The following GLP1R variants were observed in gnomAD, a reference collection of about 807,000 sequenced individuals.
GLP1R encodes glucagon like peptide 1 receptor.
GLP1R carries 32 observed loss-of-function variants against 68.4 expected under a neutral mutation model. That is an observed-to-expected ratio of 0.47 (90% CI 0.35 to 0.63). The LOEUF is 0.63. Among genes scored for constraint, GLP1R ranks in the 20% least tolerant of loss-of-function variants. The pLI, the probability that GLP1R is intolerant of heterozygous loss-of-function variation, is 0.00. For missense variants in GLP1R, 502 were observed against 594.9 expected, an observed-to-expected ratio of 0.84 and a Z score of 1.62; for synonymous variants, 263 against 244.4, an observed-to-expected ratio of 1.08 and a Z score of -0.71.
At chr6:39,074,946 C>G (rs904644329) in intron 7 of GLP1R, among the ~76,000 whole-genome samples, 2 of 152,190 alleles carry the variant, frequency 1.3e-5, no homozygotes, top group South Asian at 2.1e-4. Flanking sequence ...CAGCTCCCCC[C>G]ACCCCCCAGG....
intron 7 of GLP1R, 118 bp downstream of exon 7, chr6:39,073,887 C>T (rs1768741882): frequency 1.1e-6 from 1 of 875,588 alleles, no homozygotes; most frequent in Non-Finnish European, 1.8e-6. Context: ...CACTGGGTAA[C>T]CCTCTTCCTG....
chr6:39,085,843 G>A, intron 12 of GLP1R, 63 bp from the exon 13 acceptor site: 13 of 1,488,368 alleles, frequency 8.7e-6, no homozygotes, highest in Non-Finnish European at 1.1e-5. Context: ...TGTAATAGTG[G>A]GGCCATTTTG....
chr6:39,071,620 C>T (rs967077716), intron 5 of GLP1R, among the ~76,000 whole-genome samples: 3 of 152,052 alleles, frequency 2.0e-5, no homozygotes, highest in Non-Finnish European at 4.4e-5. Flanking sequence ...CAGCAAGGCT[C>T]CACGTATGTA....
chr6:39,079,645 C>T lies in GLP1R; in HGVS notation c.1125C>T (p.Ala375=), dbSNP rs2150836532. ...VIFAFVMDEH[A]RGTLRFIKLF... ...TTGCCTTTGTGATGGACGAGCACGC[C>T]CGGGGGACCCTGCGCTTCATCAAGC... The change falls in exon 11 of 13, where the codon GCC becomes GCT. Residue 375 remains alanine, a synonymous_variant. Coordinates refer to ENST00000373256, the MANE Select transcript of GLP1R (RefSeq NM_002062.5). This position sits in a 1 kb window ranked among gnomAD's most constrained non-coding sequence, Gnocchi z 4.5. 6.2e-7 allele frequency: 1 copy of T among 1,612,210 alleles called. No individual in the cohort carries two copies. Among genetic ancestry groups the T allele is most frequent in the East Asian group, 2.2e-5 (1 of 44,818 alleles).
In GLP1R at chr6:39,049,706, T is replaced by C. The variant is rs1400732862; in HGVS notation, c.78+788T>C. ...ACGCAAGAACACCTGGGCTCCTTGG[T>C]GCCACCAGAGAGCAGGCCACAGGTG... is the stretch of plus-strand genomic sequence containing the variant. On this transcript the variant is annotated intron_variant, in intron 1 of 12. Coordinates refer to ENST00000373256, the MANE Select transcript of GLP1R (RefSeq NM_002062.5). The surrounding 1 kb of genome is among the most constrained non-coding windows in gnomAD (Gnocchi z 4.5). 6.6e-6 allele frequency among the ~76,000 whole-genome samples: 1 copy of C among 152,178 alleles called. No individual in the cohort carries two copies. The highest frequency in any genetic ancestry group is 6.5e-5 in the Admixed American group (1 of 15,288).
In GLP1R at chr6:39,057,519, G is replaced by A; in HGVS notation, c.223G>A (p.Gly75Arg). The part of the protein sequence containing the change: ...TFDEYACWPD[G>R]EPGSFVNVSC... ...CGATGAATACGCCTGCTGGCCAGAT[G>A]GGGAGCCAGGCTCGTTCGTGAATGT... is the stretch of plus-strand genomic sequence containing the variant. Residue 75 changes from glycine (G) to arginine (R), a missense_variant, in exon 3 of 13, where the codon GGG becomes AGG. By Grantham distance (125) the Gly-to-Arg change is moderately radical. Coordinates refer to ENST00000373256, the MANE Select transcript of GLP1R (RefSeq NM_002062.5). The A allele has an allele frequency of 6.2e-7, 1 of 1,613,760 alleles. No individual in the cohort carries two copies. The highest frequency in any genetic ancestry group is 8.5e-7 in the Non-Finnish European group (1 of 1,179,784).
At chr6:39,060,223 G>T (rs1263694110) in intron 3 of GLP1R, among the ~76,000 whole-genome samples, 3 of 152,202 alleles carry the variant, frequency 2.0e-5, no homozygotes, top group Non-Finnish European at 4.4e-5. Context: ...TGAAGAAGGG[G>T]ACAGTTCTGG....
chr6:39,048,998 C>G, intron 1 of GLP1R, 80 bp downstream of exon 1: 1 of 579,784 alleles, frequency 1.7e-6, no homozygotes, highest in Non-Finnish European at 2.8e-6. Context: ...GGTGGAGGGC[C>G]CCGGGACTTG....
In GLP1R at chr6:39,057,466, T is replaced by A; in HGVS notation, c.176-6T>A. 1.3e-6 allele frequency: 2 copies of A among 1,594,622 alleles called. No individual in the cohort carries two copies. On this transcript the variant is annotated splice_region_variant and splice_polypyrimidine_tract_variant and intron_variant, in intron 2 of 12. Coordinates refer to ENST00000373256, the MANE Select transcript of GLP1R (RefSeq NM_002062.5). ...GGGACTCAGAGACTGTTCTTTCTGCTCCCAGACTTGTTCTGCAACCGGACC... is the reference window on the plus strand; with the variant it reads ...GGGACTCAGAGACTGTTCTTTCTGCACCCAGACTTGTTCTGCAACCGGACC...
In GLP1R at chr6:39,069,596, C is replaced by T. The variant is rs374608195; in HGVS notation, c.510-3266C>T. ...AGCAGAGCAGTGAGCAGAGATCGTG[C>T]CACTGCACTCCAGCCTGGGCGACAG... is the stretch of plus-strand genomic sequence containing the variant. On this transcript the variant is annotated intron_variant, in intron 5 of 12. Transcript: ENST00000373256. Among the ~76,000 whole-genome samples the T allele has an allele frequency of 3.3e-4, 50 of 150,714 alleles. 2 individuals carry two copies. The East Asian group carries it at 9.5e-3, about 29-fold the overall frequency.
Position 39,065,823 on chromosome 6 carries a change from G to T in GLP1R, c.396G>T (p.Gly132=), listed in dbSNP as rs866631422. Residue 132 remains glycine (G), a synonymous_variant, in exon 4 of 13, where the codon GGG becomes GGT. Transcript: ENST00000373256. ...CGGAGTGCGAGGAGTCCAAGCGAGG[G>T]GAAAGAGTGAGTTGAGGCGGGGTTC... ...DLSECEESKR[G]ERSSPEEQLL... 6.3e-7 allele frequency: 1 copy of T among 1,592,818 alleles called. No homozygotes were observed. The highest frequency in any genetic ancestry group is 8.6e-7 in the Non-Finnish European group (1 of 1,162,888).
intron 3 of GLP1R, among the ~76,000 whole-genome samples, chr6:39,058,531 G>A (rs1011209970): frequency 2.6e-5 from 4 of 152,138 alleles, no homozygotes; most frequent in Non-Finnish European, 2.9e-5. Flanking sequence ...ATCTATCCCA[G>A]CCTCCCTTGC....
chr6:39,073,849 A>C, intron 7 of GLP1R, 80 bp downstream of exon 7: 1 of 1,328,598 alleles, frequency 7.5e-7, no homozygotes, highest in Non-Finnish European at 1.1e-6. Flanking sequence ...TGGTACTTGG[A>C]ACGCACTGCT....
rs116391897 is a variant in GLP1R at position 39,057,383 on chromosome 6, C to T, written c.176-89C>T. On this transcript the variant is annotated intron_variant, in intron 2 of 12. Coordinates refer to ENST00000373256, the MANE Select transcript of GLP1R (RefSeq NM_002062.5). ...AGCAGAGGTTAGTGGCATGCAGCCT[C>T]CGAGGAGGGGAGGGGTCTTGGGGAA... is the stretch of plus-strand genomic sequence containing the variant. 6,065 of 812,656 alleles carry T rather than the reference C, an allele frequency of 7.5e-3. 40 individuals are homozygous for T. The highest frequency in any genetic ancestry group is 0.011 in the East Asian group (418 of 38,356). The allele number at this position is 812,656 out of a possible 1,614,324, so 50.3% of individuals were successfully genotyped here.
At chr6:39,072,351 CT>C (rs1342517449) in intron 5 of GLP1R, among the ~76,000 whole-genome samples, 2 of 152,184 alleles carry the variant, frequency 1.3e-5, no homozygotes, top group African/African-American at 2.4e-5. Context: ...ATATTTGCCC[CT>C]GGTTAGGTAA....
chr6:39,070,617 T>C (rs1455710220), intron 5 of GLP1R, among the ~76,000 whole-genome samples: 2 of 152,218 alleles, frequency 1.3e-5, no homozygotes, highest in Admixed American at 6.5e-5. Context: ...CACCAATATT[T>C]AGTGTCTTCA....
intron 3 of GLP1R, among the ~76,000 whole-genome samples, chr6:39,058,740 A>G (rs955417179): frequency 2.0e-5 from 3 of 152,202 alleles, no homozygotes; most frequent in African/African-American, 7.2e-5. Context: ...GTCCTGCCCT[A>G]AAAGCAGGGC....
intron 1 of GLP1R, among the ~76,000 whole-genome samples, chr6:39,050,609 G>T (rs955053454): frequency 6.6e-5 from 10 of 152,160 alleles, no homozygotes; most frequent in South Asian, 6.2e-4. Flanking sequence ...CTTTGAGGGG[G>T]TGCTCTTGTC....
At chr6:39,064,859 TGA>T (rs1458529316) in intron 3 of GLP1R, among the ~76,000 whole-genome samples, 1 of 152,224 alleles carries the variant, frequency 6.6e-6, no homozygotes, top group African/African-American at 2.4e-5. Context: ...TTTTTCTGTG[TGA>T]GTCTTGATTC....
Sources: gnomAD v4.1 joint callset for allele counts (sites outside exome capture counted in the v4.1 genomes callset) on GRCh38, gnomAD v4.1.1 for gene constraint, Gnocchi (gnomAD v3.1) non-coding constraint, MANE v1.5 for transcripts, NCBI Gene and HGNC (gene_info 2026-07-23, HGNC 2026-07-21) for gene names.